CDC42: variants seen among roughly 807,000 people sequenced by gnomAD.
The protein encoded by CDC42 is cell division cycle 42, also known as cell division control protein 42 homolog.
A neutral mutation model predicts 20.8 loss-of-function variants in CDC42; 1 was observed. That is an observed-to-expected ratio of 0.05 (90% CI 0.02 to 0.23). The LOEUF (loss-of-function observed/expected upper bound fraction) is 0.23. Ranked by LOEUF, CDC42 falls within the 10% of genes least tolerant of loss-of-function variation. The pLI is 1.00. For synonymous variants in CDC42, 72 were observed against 84.8 expected (o/e 0.85, Z 0.83); for missense variants, 49 against 227.9 (o/e 0.21, Z 5.05).
intron 5 of CDC42, chr1:22,090,167 T>A: frequency 2.2e-6 from 3 of 1,351,676 alleles, no homozygotes; most frequent in Non-Finnish European, 2.9e-6. Context: ...GAGCAACCTC[T>A]GTATTAGTTT....
At chr1:22,071,453 C>T (rs1336492721) in intron 1 of CDC42, among the ~76,000 whole-genome samples, 3 of 152,192 alleles carry the variant, frequency 2.0e-5, no homozygotes, top group Non-Finnish European at 4.4e-5. Flanking sequence ...AGTTTGTTAG[C>T]ACACTTGCAT....
chr1:22,071,248 G>A (rs2152829148), intron 1 of CDC42, among the ~76,000 whole-genome samples: 1 of 151,966 alleles, frequency 6.6e-6, no homozygotes, highest in Admixed American at 6.6e-5. Flanking sequence ...GTTTCACCAT[G>A]TTAGCCAGGA....
chr1:22,059,313 T>G (rs1645337294), intron 1 of CDC42: 1 of 151,958 alleles, frequency 6.6e-6, no homozygotes, highest in African/African-American at 2.4e-5. Flanking sequence ...CATTTGAACT[T>G]AAGTGACATT....
intron 1 of CDC42, among the ~76,000 whole-genome samples, chr1:22,061,267 G>T (rs926015645): frequency 5.3e-5 from 8 of 151,928 alleles, no homozygotes; most frequent in African/African-American, 1.9e-4. Context: ...AATTAGCCAG[G>T]TGTGGTGGCA....
At chr1:22,086,213 CTG>C (rs952640762) in intron 3 of CDC42, among the ~76,000 whole-genome samples, 1 of 152,128 alleles carries the variant, frequency 6.6e-6, no homozygotes, top group Non-Finnish European at 1.5e-5. Context: ...ACACCACAAA[CTG>C]GTAATAAAAG....
rs901788526 is a variant in CDC42 at position 22,096,637 on chromosome 1, A to G, written c.*5120A>G. Among the ~76,000 whole-genome samples, 9 of 152,236 alleles carry G rather than the reference A, an allele frequency of 5.9e-5. No individual in the cohort carries two copies. The highest frequency in any genetic ancestry group is 1.5e-5 in the Non-Finnish European group (1 of 68,050). Reference sequence around the variant, plus strand: ...GTCTCAATAGCCTACAGGGTGCTTCATCCACTCACTGTATTCTGTGTGCCT... The same window carrying G: ...GTCTCAATAGCCTACAGGGTGCTTCGTCCACTCACTGTATTCTGTGTGCCT... On this transcript the variant is annotated 3_prime_UTR_variant, in exon 6 of 6. Coordinates refer to ENST00000656825, the MANE Select transcript of CDC42 (RefSeq NM_001791.4).
At chr1:22,091,051 C>T in intron 5 of CDC42, among the ~76,000 whole-genome samples, 1 of 152,224 alleles carries the variant, frequency 6.6e-6, no homozygotes, top group East Asian at 1.9e-4. Context: ...TCATATCCAG[C>T]TGTTTCATTT....
intron 3 of CDC42, among the ~76,000 whole-genome samples, chr1:22,082,658 G>A (rs913627550): frequency 6.6e-6 from 1 of 152,176 alleles, no homozygotes; most frequent in Non-Finnish European, 1.5e-5. Flanking sequence ...TGCTTCCATG[G>A]AATGTGGTGT....
intron 1 of CDC42, chr1:22,064,324 C>T (rs1645397947): frequency 1.4e-3 from 1 of 740 alleles, no homozygotes; most frequent in African/African-American, 9.6e-3. Context: ...TAGAGTCTCG[C>T]TCTGTCACTC....
intron 3 of CDC42, among the ~76,000 whole-genome samples, chr1:22,085,740 G>A (rs551525706): frequency 6.6e-6 from 1 of 152,068 alleles, no homozygotes; most frequent in Non-Finnish European, 1.5e-5. Flanking sequence ...TTATATACAC[G>A]CATTAACTAA....
chr1:22,090,753 C>T (rs1038304997), intron 5 of CDC42: 2 of 984,402 alleles, frequency 2.0e-6, no homozygotes, highest in African/African-American at 3.5e-5. Context: ...GGGAAATATA[C>T]AATTGTGGTT....
chr1:22,095,978 C>G lies in CDC42; in HGVS notation c.*4461C>G, dbSNP rs963342619. On this transcript the variant is annotated 3_prime_UTR_variant, in exon 6 of 6. Transcript: ENST00000656825. Reference sequence around the variant, plus strand: ...ATTTATTTATTTATTTATTTATTTTCAGACGGGGTCTTGCACTGTTGCCCG... The same window carrying G: ...ATTTATTTATTTATTTATTTATTTTGAGACGGGGTCTTGCACTGTTGCCCG... Among the ~76,000 whole-genome samples, 4 of 146,826 alleles carry G rather than the reference C, an allele frequency of 2.7e-5. No homozygotes were observed. The highest frequency in any genetic ancestry group is 6.0e-5 in the Non-Finnish European group (4 of 66,602).
In CDC42 at chr1:22,095,069, A is replaced by G. The variant is rs80161417; in HGVS notation, c.*3552A>G. ...GTTATATAACTGTGGGGCAAGGGAC[A>G]ACATTTCACCAGGAAGTAGCAACTC... On this transcript the variant is annotated 3_prime_UTR_variant, in exon 6 of 6. Transcript: ENST00000656825. Among the ~76,000 whole-genome samples, 841 of 152,284 alleles carry G rather than the reference A, an allele frequency of 5.5e-3. 15 individuals carry two copies. The highest frequency in any genetic ancestry group is 0.019 in the African/African-American group (805 of 41,542).
intron 1 of CDC42, among the ~76,000 whole-genome samples, chr1:22,067,223 A>G (rs1260187987): frequency 6.6e-6 from 1 of 152,196 alleles, no homozygotes; most frequent in Non-Finnish European, 1.5e-5. Flanking sequence ...AACGACAGAA[A>G]CTTATCACAG....
chr1:22,086,552 A>G lies in CDC42; in HGVS notation c.288+4A>G. On this transcript the variant is annotated splice_donor_region_variant and intron_variant, in intron 4 of 5. Coordinates refer to ENST00000656825, the MANE Select transcript of CDC42 (RefSeq NM_001791.4). ...ATTTGAAAACGTGAAAGAAAAGGTA[A>G]GCTGATCAGATACTCTTGCCCTAAG... The G allele has an allele frequency of 6.2e-7, 1 of 1,601,848 alleles. No homozygotes were observed. Among genetic ancestry groups the G allele is most frequent in the East Asian group, 2.2e-5 (1 of 44,664 alleles).
rs1434542391 is a variant in CDC42, at chr1:22,054,946, T to A, written c.-51+2204T>A. 7.9e-3 allele frequency among the ~76,000 whole-genome samples: 361 copies of A among 45,778 alleles called. 9 individuals are homozygous for A. The highest frequency in any genetic ancestry group is 0.019 in the Middle Eastern group (2 of 108). 30.0% of individuals were successfully genotyped at this position (45,778 alleles called of 152,430 possible). ...ATTTTTTTTTTTTTTTTTTTTTTTT[T>A]TTTTTTTTTTTTTTTTTTTTTTTTT... On this transcript the variant is annotated intron_variant, in intron 1 of 5. Coordinates refer to ENST00000656825, the MANE Select transcript of CDC42 (RefSeq NM_001791.4).
rs543264773 is a variant in CDC42, at chr1:22,066,892, C to T, written c.-50-11537C>T. On this transcript the variant is annotated intron_variant, in intron 1 of 5. Coordinates refer to ENST00000656825, the MANE Select transcript of CDC42 (RefSeq NM_001791.4). Reference sequence around the variant, plus strand: ...CAGCTTGACCAACATGGAGAAACCCCGTCTCTACTAAAAATACAAAATTAG... The same window carrying T: ...CAGCTTGACCAACATGGAGAAACCCTGTCTCTACTAAAAATACAAAATTAG... Among the ~76,000 whole-genome samples the T allele has an allele frequency of 1.2e-4, 18 of 152,236 alleles. No individual in the cohort carries two copies. The South Asian group carries it at 1.5e-3, about 12-fold the overall frequency.
chr1:22,060,560 T>A lies in CDC42; in HGVS notation c.-51+7818T>A, dbSNP rs2152826765. The stretch of plus-strand genomic sequence containing the variant: ...TTCAGCTATGGTTCATTTGCTTTGC[T>A]GGAAGACAGTTTAGGAGTATTTGTA... On this transcript the variant is annotated intron_variant, in intron 1 of 5. Coordinates refer to ENST00000656825, the MANE Select transcript of CDC42 (RefSeq NM_001791.4). Among the ~76,000 whole-genome samples the A allele has an allele frequency of 2.6e-5, 4 of 152,330 alleles. No homozygotes were observed. The Middle Eastern group carries it at 0.01, about 389-fold the overall frequency.
intron 3 of CDC42, among the ~76,000 whole-genome samples, chr1:22,083,724 C>T (rs1419980890): frequency 6.6e-6 from 1 of 152,184 alleles, no homozygotes; most frequent in East Asian, 1.9e-4. Context: ...TCTTTTACCA[C>T]TGAATGGTGT....
Sources: gnomAD v4.1 joint callset for allele counts (sites outside exome capture counted in the v4.1 genomes callset) on GRCh38, gnomAD v4.1.1 for gene constraint, MANE v1.5 for transcripts, NCBI Gene and HGNC (gene_info 2026-07-23, HGNC 2026-07-21) for gene names.